Variants in MDGA2 observed in about 807,000 individuals in gnomAD.
The protein encoded by MDGA2 is MAM domain-containing glycosylphosphatidylinositol anchor protein 2.
A neutral mutation model predicts 117.8 loss-of-function variants in MDGA2; 40 were observed. The observed-to-expected ratio is 0.34, with a 90% confidence interval of 0.26 to 0.44. The LOEUF (loss-of-function observed/expected upper bound fraction) is 0.44, where lower values mean the gene tolerates loss of function less well. Among genes scored for constraint, MDGA2 ranks in the 20% least tolerant of loss-of-function variants. The pLI, the probability that MDGA2 is intolerant of heterozygous loss-of-function variation, is 1.00. For missense variants in MDGA2, 1,123 were observed against 1,250.6 expected, an observed-to-expected ratio of 0.90 and a Z score of 1.54; for synonymous variants, 452 against 439.0, an observed-to-expected ratio of 1.03 and a Z score of -0.37.
chr14:47,658,441 A>G (rs868488545), intron 1 of MDGA2, among the ~76,000 whole-genome samples: 3 of 152,250 alleles, frequency 2.0e-5, no homozygotes, highest in Middle Eastern at 3.4e-3. Context: ...AATGGGTTCT[A>G]GAAGAAGTAG....
chr14:47,244,165 T>C (rs1887162129), intron 2 of MDGA2, among the ~76,000 whole-genome samples: 1 of 151,802 alleles, frequency 6.6e-6, no homozygotes, highest in South Asian at 2.1e-4. Flanking sequence ...GCCTGACATG[T>C]AGTAGTCTCT....
At chr14:46,963,553 T>C (rs1241737921) in intron 8 of MDGA2, among the ~76,000 whole-genome samples, 1 of 152,254 alleles carries the variant, frequency 6.6e-6, no homozygotes. Context: ...ACAAGTCTTT[T>C]GTAGACTTTA....
chr14:46,994,279 T>G (rs1383693838), intron 8 of MDGA2, among the ~76,000 whole-genome samples: 1 of 152,114 alleles, frequency 6.6e-6, no homozygotes, highest in African/African-American at 2.4e-5. Context: ...TTGGCTGATT[T>G]TAGTCTGTAT....
At chr14:47,145,342 T>A (rs947350549) in intron 3 of MDGA2, among the ~76,000 whole-genome samples, 2 of 152,150 alleles carry the variant, frequency 1.3e-5, no homozygotes, top group African/African-American at 4.8e-5. Context: ...ATAGGTAAAT[T>A]AATAATGAAT....
chr14:47,190,336 C>CT (rs1165068650), intron 3 of MDGA2, among the ~76,000 whole-genome samples: 17 of 152,166 alleles, frequency 1.1e-4, no homozygotes, highest in Non-Finnish European at 2.5e-4. Context: ...AAATCAATGA[C>CT]TTGGGTCGAA....
chr14:46,856,938 C>CAAGTCATAA (rs1881291920), intron 14 of MDGA2, among the ~76,000 whole-genome samples: 1 of 152,096 alleles, frequency 6.6e-6, no homozygotes, highest in African/African-American at 2.4e-5. Context: ...TTCATATCTA[C>CAAGTCATAA]AAGTCATAAT....
At position 47,529,589 on chromosome 14, in the gene MDGA2, C is replaced by T. The variant is rs1309168267; in HGVS notation, c.280+144928G>A. ...TTCTTGTAAAGGTAAAATTAAAAAT[C>T]TCTCTTTCTAATTTTTTTTAAACAT... On this transcript the variant is annotated intron_variant, in intron 1 of 16. Coordinates refer to ENST00000399232, the MANE Select transcript of MDGA2 (RefSeq NM_001113498.3). 5.3e-5 allele frequency among the ~76,000 whole-genome samples: 8 copies of T among 152,118 alleles called. No individual in the cohort carries two copies. In the South Asian group the frequency reaches 1.2e-3, roughly 24 times the overall value.
At chr14:47,445,408 G>A (rs957840124) in intron 1 of MDGA2, among the ~76,000 whole-genome samples, 6 of 152,096 alleles carry the variant, frequency 3.9e-5, no homozygotes, top group African/African-American at 1.2e-4. Context: ...AGCATCTATA[G>A]CTTCTGAAAG....
At chr14:47,647,438 A>G (rs1335539325) in intron 1 of MDGA2, among the ~76,000 whole-genome samples, 1 of 152,132 alleles carries the variant, frequency 6.6e-6, no homozygotes, top group African/African-American at 2.4e-5. Flanking sequence ...AGGCAAAAAA[A>G]AAATGATAAT....
At chr14:47,027,392 A>C (rs1888513625) in intron 8 of MDGA2, among the ~76,000 whole-genome samples, 1 of 152,092 alleles carries the variant, frequency 6.6e-6, no homozygotes, top group African/African-American at 2.4e-5. Context: ...CATTCTGTTA[A>C]AACTAGCTGG....
intron 3 of MDGA2, among the ~76,000 whole-genome samples, chr14:47,170,469 G>T (rs576563208): frequency 1.3e-5 from 2 of 152,074 alleles, no homozygotes; most frequent in Non-Finnish European, 2.9e-5. Flanking sequence ...TGCTATCATT[G>T]TCATTTTATA....
intron 15 of MDGA2, among the ~76,000 whole-genome samples, chr14:46,854,390 A>G (rs1159863793): frequency 2.6e-5 from 4 of 151,592 alleles, no homozygotes; most frequent in Non-Finnish European, 5.9e-5. Flanking sequence ...TAAAATCATT[A>G]AACAGTATAT....
chr14:47,669,137 G>A (rs1898029606), intron 1 of MDGA2, among the ~76,000 whole-genome samples: 1 of 152,156 alleles, frequency 6.6e-6, no homozygotes, highest in Non-Finnish European at 1.5e-5. Flanking sequence ...GAAGTACAGA[G>A]CACATCCTTG....
rs1890684401 is a variant in MDGA2, at chr14:47,343,185, G to T, written c.281-41635C>A. On this transcript the variant is annotated intron_variant, in intron 1 of 16. Transcript: ENST00000399232. Reference sequence around the variant, plus strand: ...ATTTCCACTTATCATTCTGGTACAGGCTCAAGCTATTAAAAGGAATGGTGA... The same window carrying T: ...ATTTCCACTTATCATTCTGGTACAGTCTCAAGCTATTAAAAGGAATGGTGA... 5.3e-6 allele frequency: 6 copies of T among 1,136,886 alleles called. No homozygotes were observed. The South Asian group carries it at 1.1e-4, about 21-fold the overall frequency. The allele number at this position is 1,136,886 out of a possible 1,614,324, so 70.4% of individuals were successfully genotyped here.
At chr14:47,442,579 G>A (rs1222073420) in intron 1 of MDGA2, among the ~76,000 whole-genome samples, 4 of 152,012 alleles carry the variant, frequency 2.6e-5, no homozygotes, top group Admixed American at 6.6e-5. Context: ...TACCTTATAG[G>A]TATTATTATA....
At chr14:46,912,111 G>T (rs530983868) in intron 10 of MDGA2, among the ~76,000 whole-genome samples, 1 of 152,192 alleles carries the variant, frequency 6.6e-6, no homozygotes, top group African/African-American at 2.4e-5. Flanking sequence ...TACAGATAGT[G>T]GTCCCAGCCA....
intron 3 of MDGA2, among the ~76,000 whole-genome samples, chr14:47,209,593 T>C (rs565851245): frequency 2.0e-5 from 3 of 152,172 alleles, no homozygotes; most frequent in African/African-American, 4.8e-5. Flanking sequence ...GTAATTCTTC[T>C]CTAATGTCTT....
At chr14:47,564,064 G>GAT (rs1895870770) in intron 1 of MDGA2, among the ~76,000 whole-genome samples, 1 of 152,274 alleles carries the variant, frequency 6.6e-6, no homozygotes, top group African/African-American at 2.4e-5. Context: ...TTTTCTTCAA[G>GAT]AATGATGAAT....
intron 1 of MDGA2, among the ~76,000 whole-genome samples, chr14:47,548,031 C>T (rs1895497967): frequency 6.6e-6 from 1 of 152,108 alleles, no homozygotes; most frequent in Non-Finnish European, 1.5e-5. Context: ...ATCCACCAAC[C>T]CAATTTCTAA....
Sources: gnomAD v4.1 joint callset for allele counts (sites outside exome capture counted in the v4.1 genomes callset) on GRCh38, gnomAD v4.1.1 for gene constraint, MANE v1.5 for transcripts, NCBI Gene and HGNC (gene_info 2026-07-23, HGNC 2026-07-21) for gene names.